The following SAMSN1 variants were observed in gnomAD, a reference collection of about 807,000 sequenced individuals.
The protein encoded by SAMSN1 is SAM domain, SH3 domain and nuclear localization signals 1.
A neutral mutation model predicts 42.0 loss-of-function variants in SAMSN1; 31 were observed. That is an observed-to-expected ratio of 0.74 (90% confidence interval 0.55 to 1.00). The LOEUF is 1.00. Ranked by LOEUF, SAMSN1 falls within the 50% of genes least tolerant of loss-of-function variation. The pLI is 0.00. For missense variants in SAMSN1, 464 were observed against 439.4 expected (o/e 1.06, Z -0.50); for synonymous variants, 178 against 151.9 (o/e 1.17, Z -1.26).
intron 1 of SAMSN1, among the ~76,000 whole-genome samples, chr21:14,543,035 C>G (rs1042250585): frequency 6.6e-6 from 1 of 152,196 alleles, no homozygotes; most frequent in East Asian, 1.9e-4. Flanking sequence ...AACCTAAGTA[C>G]AGAATACTTA....
intron 2 of SAMSN1, among the ~76,000 whole-genome samples, chr21:14,626,547 C>A (rs1026227709): frequency 3.3e-5 from 5 of 152,268 alleles, no homozygotes; most frequent in African/African-American, 1.2e-4. Context: ...CACTGGCCAT[C>A]AGAGAAATGC....
chr21:14,509,967 G>A (rs1987606824), intron 5 of SAMSN1, among the ~76,000 whole-genome samples: 2 of 151,874 alleles, frequency 1.3e-5, no homozygotes, highest in African/African-American at 2.4e-5. Context: ...GTGAAACCCT[G>A]TCTCTACTAA....
intron 5 of SAMSN1, among the ~76,000 whole-genome samples, chr21:14,504,277 G>A (rs144734740): frequency 0.022 from 3,416 of 152,220 alleles, 78 homozygotes; most frequent in South Asian, 0.12. Context: ...ACCTTAAAAA[G>A]AATTCAGGAG....
Position 14,546,191 on chromosome 21 carries a change from T to G in SAMSN1, c.57+14A>C. ...TAGTTTGATTTTATTTAACTATGTA[T>G]GAAATCACCTTACCTTTGGTTTTTG... On this transcript the variant is annotated intron_variant, in intron 1 of 7. Coordinates refer to ENST00000400566, the MANE Select transcript of SAMSN1 (RefSeq NM_022136.5). The G allele has an allele frequency of 6.2e-7, 1 of 1,606,210 alleles. No individual in the cohort carries two copies. Among genetic ancestry groups the G allele is most frequent in the South Asian group, 1.1e-5 (1 of 90,860 alleles).
chr21:14,497,653 G>A lies in SAMSN1; in HGVS notation c.919+789C>T, dbSNP rs574253026. 3.3e-5 allele frequency among the ~76,000 whole-genome samples: 5 copies of A among 152,196 alleles called. No homozygotes were observed. In the South Asian group the frequency reaches 6.2e-4, roughly 19 times the overall value. On this transcript the variant is annotated intron_variant, in intron 7 of 7. Coordinates refer to ENST00000400566, the MANE Select transcript of SAMSN1 (RefSeq NM_022136.5). ...GTAGTAGTATTTTTTGATAGAGAAG[G>A]CTGGATTTGATTATCTAAGTTCCTT...
chr21:14,505,307 G>T (rs1181919935), intron 5 of SAMSN1, among the ~76,000 whole-genome samples: 1 of 152,184 alleles, frequency 6.6e-6, no homozygotes, highest in Non-Finnish European at 1.5e-5. Context: ...TTACAGAATT[G>T]CAGAATGGAT....
At chr21:14,578,292 C>G (rs138801557) in intron 2 of SAMSN1, among the ~76,000 whole-genome samples, 2 of 152,026 alleles carry the variant, frequency 1.3e-5, no homozygotes, top group Non-Finnish European at 2.9e-5. Context: ...CACACTCTGC[C>G]GGCAATGTCG....
At chr21:14,539,807 T>C (rs1008974667) in intron 1 of SAMSN1, among the ~76,000 whole-genome samples, 1 of 152,152 alleles carries the variant, frequency 6.6e-6, no homozygotes, top group African/African-American at 2.4e-5. Context: ...GAAGTTCATA[T>C]GCAACCAAAA....
chr21:14,628,940 G>C (rs181931246), intron 2 of SAMSN1, among the ~76,000 whole-genome samples: 1 of 152,222 alleles, frequency 6.6e-6, no homozygotes, highest in African/African-American at 2.4e-5. Context: ...TTATAGATGG[G>C]TAAACAGAGG....
intron 2 of SAMSN1, among the ~76,000 whole-genome samples, chr21:14,641,928 CATAA>C (rs1352959374): frequency 6.6e-6 from 1 of 152,138 alleles, no homozygotes; most frequent in East Asian, 1.9e-4. Context: ...TTACTGATAA[CATAA>C]ATAGTCAATC....
At chr21:14,549,926 A>G (rs1246205067), upstream of SAMSN1, among the ~76,000 whole-genome samples, 2 of 135,250 alleles carry the variant, frequency 1.5e-5, no homozygotes, top group Non-Finnish European at 3.2e-5. Context: ...ATCCTACAAT[A>G]TCAAAAAAAA....
intron 4 of SAMSN1, chr21:14,612,643 AT>A: frequency 1.7e-6 from 1 of 588,346 alleles, no homozygotes; most frequent in Non-Finnish European, 3.3e-6. Context: ...AAAGAGGATT[AT>A]TCTGTTTAAA....
At chr21:14,636,842 C>T (rs148112744) in intron 2 of SAMSN1, among the ~76,000 whole-genome samples, 11 of 151,860 alleles carry the variant, frequency 7.2e-5, no homozygotes, top group African/African-American at 1.7e-4. Flanking sequence ...CCAGCCTGGG[C>T]GACAGAGCGA....
chr21:14,602,313 C>T (rs1982458547), intron 5 of SAMSN1, among the ~76,000 whole-genome samples: 2 of 151,852 alleles, frequency 1.3e-5, no homozygotes, highest in African/African-American at 4.8e-5. Context: ...AATAGGGATG[C>T]CGCTGACCAT....
intron 1 of SAMSN1, among the ~76,000 whole-genome samples, chr21:14,527,043 T>A (rs2822746): frequency 0.27 from 41,841 of 152,160 alleles, 6,664 homozygotes; most frequent in Non-Finnish European, 0.34. Context: ...AGATTTGCAT[T>A]TGTGAGGCAC....
intron 2 of SAMSN1, among the ~76,000 whole-genome samples, chr21:14,573,295 T>C (rs1320614530): frequency 1.3e-5 from 2 of 152,206 alleles, no homozygotes; most frequent in Admixed American, 1.3e-4. Context: ...CAGACTTTAC[T>C]CCTCTGAAAT....
intron 2 of SAMSN1, among the ~76,000 whole-genome samples, chr21:14,565,573 A>G (rs150243784): frequency 2.0e-5 from 3 of 152,272 alleles, no homozygotes; most frequent in East Asian, 1.9e-4. Context: ...CTCCATCTAT[A>G]TACCAAGCAG....
In SAMSN1 at chr21:14,572,990, T is replaced by C. The variant is rs137896167; in HGVS notation, c.261+9146A>G. Among the ~76,000 whole-genome samples the C allele has an allele frequency of 1.6e-3, 246 of 152,326 alleles. 1 individual carries two copies. Among genetic ancestry groups the C allele is most frequent in the African/African-American group, 5.7e-3 (239 of 41,586 alleles). ...AAATAATGATACCATGATACTGTCT[T>C]ACTGAATCATAACACAATTAAAAGA... is the stretch of plus-strand genomic sequence containing the variant. On this transcript the variant is annotated intron_variant, in intron 2 of 8. Coordinates refer to the SAMSN1 transcript ENST00000285670.
chr21:14,621,250 A>G (rs1442756756), intron 2 of SAMSN1, among the ~76,000 whole-genome samples: 1 of 152,174 alleles, frequency 6.6e-6, no homozygotes, highest in Non-Finnish European at 1.5e-5. Flanking sequence ...AAGACGGGTG[A>G]TTTCTGCATT....
Sources: gnomAD v4.1 joint callset for allele counts (sites outside exome capture counted in the v4.1 genomes callset) on GRCh38, gnomAD v4.1.1 for gene constraint, MANE v1.5 for transcripts, NCBI Gene and HGNC (gene_info 2026-07-23, HGNC 2026-07-21) for gene names.